The following LMO7 variants were observed in gnomAD, a reference collection of about 807,000 sequenced individuals.
The protein encoded by LMO7 is LIM domain 7, also known as LIM domain only protein 7.
Under a neutral mutation model 206.5 loss-of-function variants are expected in LMO7, and 120 were observed. That is an observed-to-expected ratio of 0.58 (90% confidence interval 0.50 to 0.68). The LOEUF is 0.68. Among genes scored for constraint, LMO7 ranks in the 30% least tolerant of loss-of-function variants. The probability of loss-of-function intolerance (pLI) is 0.00; values close to 1 mark genes in which losing one functional copy is unlikely to be tolerated. For missense variants in LMO7, 1,959 were observed against 1,957.9 expected, an observed-to-expected ratio of 1.00 and a Z score of -0.01; for synonymous variants, 706 against 681.5, an observed-to-expected ratio of 1.04 and a Z score of -0.56.
Position 75,853,182 on chromosome 13 carries a change from T to C in LMO7, c.4455T>C (p.Ser1485=). ...ATCAGCCCACAGGATTCTATGCTTC[T>C]TCCTCTGTGCAAGACTTTAGTCGCC... ...WLNQPTGFYA[S]SSVQDFSRPP... Residue 1485 remains serine, a synonymous_variant, in exon 28 of 31, where the codon TCT becomes TCC. Transcript: ENST00000377534. 6.2e-7 allele frequency: 1 copy of C among 1,614,186 alleles called. No individual in the cohort carries two copies. Among genetic ancestry groups the C allele is most frequent in the African/African-American group, 1.3e-5 (1 of 75,050 alleles).
intron 26 of LMO7, 76 bp downstream of exon 26, chr13:75,845,455 G>A: frequency 3.5e-6 from 3 of 846,814 alleles, no homozygotes; most frequent in East Asian, 2.6e-5. Context: ...GTATTTTTAA[G>A]GTCAAGATAT....
At chr13:75,843,062 G>A (rs2059682596) in intron 25 of LMO7, 146 bp downstream of exon 25, 1 of 629,496 alleles carries the variant, frequency 1.6e-6, no homozygotes, top group South Asian at 1.9e-5. Context: ...CTTTGTATCA[G>A]TTAGCTTTTG....
chr13:75,803,033 G>A (rs2054973326), intron 7 of LMO7, among the ~76,000 whole-genome samples: 1 of 152,172 alleles, frequency 6.6e-6, no homozygotes, highest in African/African-American at 2.4e-5. Context: ...AATTCCACAT[G>A]TATGGATTTC....
chr13:75,715,730 C>G (rs2043481367), intron 2 of LMO7, among the ~76,000 whole-genome samples: 1 of 152,150 alleles, frequency 6.6e-6, no homozygotes, highest in South Asian at 2.1e-4. Context: ...CCCAGATAAC[C>G]ATATTTAGTA....
intron 2 of LMO7, among the ~76,000 whole-genome samples, chr13:75,718,978 C>T (rs1340005825): frequency 1.3e-5 from 2 of 150,584 alleles, no homozygotes; most frequent in African/African-American, 2.4e-5. Flanking sequence ...TCATGTCTCT[C>T]TCTTTTTTTT....
At chr13:75,727,932 A>G (rs2044649411) in intron 3 of LMO7, among the ~76,000 whole-genome samples, 2 of 152,006 alleles carry the variant, frequency 1.3e-5, no homozygotes, top group South Asian at 4.1e-4. Flanking sequence ...AGTTTCATCC[A>G]TGTCCCTACA....
chr13:75,727,241 C>T (rs558612671), intron 3 of LMO7, 143 bp downstream of exon 3: 160 of 494,028 alleles, frequency 3.2e-4, no homozygotes, highest in Non-Finnish European at 5.1e-4. Flanking sequence ...TTGGTGATGT[C>T]CTCCTTTTAT....
rs549690684 is a variant in LMO7 at position 75,830,386 on chromosome 13, A to C, written c.2950-2665A>C. Among the ~76,000 whole-genome samples the C allele has an allele frequency of 2.0e-5, 3 of 152,308 alleles. No individual in the cohort carries two copies. The South Asian group carries it at 6.2e-4, about 32-fold the overall frequency. On this transcript the variant is annotated intron_variant, in intron 15 of 30. Coordinates refer to ENST00000377534, the MANE Select transcript of LMO7 (RefSeq NM_001306080.2). ...AGTGGTTTGGAAAGAGGTGGTCTGC[A>C]TAAGACTTTGATTTGAAACTAGGCT...
At position 75,621,738 on chromosome 13, in the gene LMO7, G is replaced by A. The variant is rs750308312; in HGVS notation, c.45G>A (p.Trp15Ter). 2.5e-6 allele frequency: 4 copies of A among 1,602,120 alleles called. No homozygotes were observed. The Admixed American group carries it at 5.2e-5, about 21-fold the overall frequency. Residue 15 changes from tryptophan to a stop codon, truncating the protein, a stop_gained, in exon 1 of 30, where the codon TGG becomes TGA. Transcript: ENST00000341547. LOFTEE classifies it high-confidence loss of function. ...GCCATATTTTCACGTTTTACAGTTG[G>A]ATGTCCTATGATGTTCTCTTCCAGA...
At position 75,636,542 on chromosome 13, in the gene LMO7, G is replaced by A. The variant is rs1308742388; in HGVS notation, c.-116G>A. Reference sequence around the variant, plus strand: ...CCCCGGCGCCTTCGCAGCCGGAGCGGAAGCCGGAGTTGTGGGAGGCCCGCG... The same window carrying A: ...CCCCGGCGCCTTCGCAGCCGGAGCGAAAGCCGGAGTTGTGGGAGGCCCGCG... On this transcript the variant is annotated 5_prime_UTR_variant, in exon 1 of 31. Transcript: ENST00000377534. The A allele has an allele frequency of 1.3e-6, 2 of 1,523,234 alleles. No homozygotes were observed. Among genetic ancestry groups the A allele is most frequent in the Non-Finnish European group, 1.8e-6 (2 of 1,142,594 alleles). 94.4% of individuals were successfully genotyped at this position (1,523,234 alleles called of 1,614,324 possible). A position where few individuals can be genotyped will look rare whatever the true frequency, so the allele number is the denominator to read the frequency against.
At chr13:75,691,621 C>G (rs1441753382) in intron 1 of LMO7, among the ~76,000 whole-genome samples, 2 of 152,144 alleles carry the variant, frequency 1.3e-5, no homozygotes, top group African/African-American at 2.4e-5. Flanking sequence ...AAACCCAGTC[C>G]TCTCTTTCTC....
At position 75,807,670 on chromosome 13, in the gene LMO7, T is replaced by G. The variant is rs762474957; in HGVS notation, c.1387T>G (p.Phe463Val). ...GGATCCTGACTTAGAGAATGATGAT[T>G]TCTTTGTCAGAAAGACTGGGGCTTT... ...ALDPDLENDDFFVRKTGAFHA... is the reference protein window; with the variant it reads ...ALDPDLENDDVFVRKTGAFHA... The change falls in exon 10 of 31, where the codon TTC becomes GTC. Residue 463 changes from phenylalanine (F) to valine (V), a missense_variant. Physicochemically the swap from Phe to Val is conservative, Grantham distance 50 (BLOSUM62 -1). Transcript: ENST00000377534. The G allele has an allele frequency of 1.9e-6, 3 of 1,614,016 alleles. No individual in the cohort carries two copies. The Admixed American group carries it at 5.0e-5, about 27-fold the overall frequency.
intron 5 of LMO7, 103 bp downstream of exon 5, chr13:75,795,534 T>C (rs17065050): frequency 0.019 from 15,522 of 796,070 alleles, 241 homozygotes; most frequent in South Asian, 0.042. Flanking sequence ...TCTTTTCTAA[T>C]TAATTTTTTG....
chr13:75,733,006 A>G (rs1454001271), intron 3 of LMO7, among the ~76,000 whole-genome samples: 1 of 152,082 alleles, frequency 6.6e-6, no homozygotes, highest in Non-Finnish European at 1.5e-5. Flanking sequence ...AGGAGTTCCC[A>G]GCCATGTGAG....
chr13:75,840,387 T>C lies in LMO7; in HGVS notation c.3478-4T>C. ...TTTGCATCTCTTCTCTGATAACTGGTTAGCTTCCAGTTCCAACCATCAGTG... is the reference window on the plus strand; with the variant it reads ...TTTGCATCTCTTCTCTGATAACTGGCTAGCTTCCAGTTCCAACCATCAGTG... On this transcript the variant is annotated splice_region_variant and splice_polypyrimidine_tract_variant and intron_variant, in intron 21 of 30. Coordinates refer to ENST00000377534, the MANE Select transcript of LMO7 (RefSeq NM_001306080.2). 6.2e-7 allele frequency: 1 copy of C among 1,613,962 alleles called. No individual in the cohort carries two copies. The highest frequency in any genetic ancestry group is 2.2e-5 in the East Asian group (1 of 44,860).
chr13:75,809,669 T>C (rs565541517), intron 11 of LMO7, among the ~76,000 whole-genome samples: 2 of 152,246 alleles, frequency 1.3e-5, no homozygotes, highest in African/African-American at 4.8e-5. Flanking sequence ...TTAGTAGGGA[T>C]GCATTAAACT....
At chr13:75,661,594 G>T (rs1042294107) in intron 1 of LMO7, among the ~76,000 whole-genome samples, 1 of 152,156 alleles carries the variant, frequency 6.6e-6, no homozygotes, top group South Asian at 2.1e-4. Flanking sequence ...TAAGTCACCA[G>T]GCATGAGTTC....
At chr13:75,668,475 C>G (rs1202896557) in intron 1 of LMO7, among the ~76,000 whole-genome samples, 1 of 152,172 alleles carries the variant, frequency 6.6e-6, no homozygotes, top group Non-Finnish European at 1.5e-5. Context: ...ACTCTGTCCT[C>G]TTATTTCTGA....
At position 75,821,261 on chromosome 13, in the gene LMO7, C is replaced by G; in HGVS notation, c.2292C>G (p.Pro764=). ...ATGTGCTGGAGGAAGGAAAGCGACC[C>G]CCTACAATGACTGTGTCAGAAGCAA... The part of the protein sequence containing the change: ...FDDVLEEGKR[P]PTMTVSEASY... Residue 764 remains proline (P), a synonymous_variant, in exon 14 of 31, where the codon CCC becomes CCG. Transcript: ENST00000377534. 6.2e-7 allele frequency: 1 copy of G among 1,613,776 alleles called. No individual in the cohort carries two copies.
Sources: gnomAD v4.1 joint callset for allele counts (sites outside exome capture counted in the v4.1 genomes callset) on GRCh38, gnomAD v4.1.1 for gene constraint, MANE v1.5 for transcripts, NCBI Gene and HGNC (gene_info 2026-07-23, HGNC 2026-07-21) for gene names.